CYBA: variants seen among roughly 807,000 people sequenced by gnomAD.
CYBA encodes cytochrome b-245 light chain.
Under a neutral mutation model 20.8 loss-of-function variants are expected in CYBA, and 21 were observed. The observed-to-expected ratio is 1.01, with a 90% CI of 0.72 to 1.46. The LOEUF is 1.46. Ranked by LOEUF, CYBA falls within the 40% of genes most tolerant of loss-of-function variation. The pLI, the probability that CYBA is intolerant of heterozygous loss-of-function variation, is 0.00. For synonymous variants in CYBA, 164 were observed against 127.5 expected (o/e 1.29, Z -1.93); for missense variants, 344 against 287.0 (o/e 1.20, Z -1.43).
intron 5 of CYBA, chr16:88,645,743 A>G (rs904501048): frequency 1.9e-6 from 1 of 531,640 alleles, no homozygotes; most frequent in African/African-American, 1.9e-5. Flanking sequence ...GGTTTAGGTG[A>G]GAAAAGCCTG....
At chr16:88,648,319 A>T (rs1907365832) in intron 1 of CYBA, among the ~76,000 whole-genome samples, 1 of 152,124 alleles carries the variant, frequency 6.6e-6, no homozygotes. Context: ...GGGCTGGCGG[A>T]GGGGGTGCTG....
At chr16:88,648,982 G>A (rs1477129964) in intron 1 of CYBA, among the ~76,000 whole-genome samples, 1 of 143,390 alleles carries the variant, frequency 7.0e-6, no homozygotes, top group East Asian at 2.0e-4. Flanking sequence ...CTGTCACCCA[G>A]GCTGGAGTTC....
intron 5 of CYBA, chr16:88,645,325 G>A (rs887360706): frequency 1.0e-5 from 7 of 702,330 alleles, no homozygotes; most frequent in East Asian, 8.0e-5. Flanking sequence ...ACTTCCATAC[G>A]CGGAAGGCGT....
At chr16:88,645,837 C>T in intron 5 of CYBA, 1 of 562,544 alleles carries the variant, frequency 1.8e-6, no homozygotes, top group Non-Finnish European at 3.2e-6. Context: ...GCCTCCGCAT[C>T]TTTGTCTGTA....
chr16:88,643,509 G>T lies in CYBA; in HGVS notation c.432C>A (p.Ile144=). 6.5e-7 allele frequency: 1 copy of T among 1,534,658 alleles called. No individual in the cohort carries two copies. The highest frequency in any genetic ancestry group is 8.7e-7 in the Non-Finnish European group (1 of 1,146,278). ...TGGGCGGCTGCTTGATGGTGCCTCC[G>T]ATCTGCGGCCGCTCCCGGGGCTTGG... ...IEPKPRERPQ[I]GGTIKQPPSN... The change falls in exon 6 of 6, where the codon ATC becomes ATA. Residue 144 remains isoleucine (I), a synonymous_variant. Coordinates refer to ENST00000261623, the MANE Select transcript of CYBA (RefSeq NM_000101.4). This position sits in a 1 kb window ranked among gnomAD's most constrained non-coding sequence, Gnocchi z 4.3.
chr16:88,646,026 C>T, intron 5 of CYBA, 90 bp downstream of exon 5: 1 of 1,111,246 alleles, frequency 9.0e-7, no homozygotes. Context: ...GCCTACAGAG[C>T]CGGCTTCAAG....
In CYBA at chr16:88,647,111, T is replaced by C. The variant is rs1567609300; in HGVS notation, c.193A>G (p.Met65Val). 2.5e-6 allele frequency: 4 copies of C among 1,610,892 alleles called. No individual in the cohort carries two copies. Among genetic ancestry groups the C allele is most frequent in the African/African-American group, 1.3e-5 (1 of 75,008 alleles). Residue 65 changes from methionine to valine, a missense_variant, in exon 3 of 6, where the codon ATG (methionine) becomes GTG (valine). Transcript: ENST00000261623. ...CAGGAGGAGACTCACCAGCGCTCCATGGTGGAGCCCTTCTTCCTCTTCCCC... is the reference window on the plus strand; with the variant it reads ...CAGGAGGAGACTCACCAGCGCTCCACGGTGGAGCCCTTCTTCCTCTTCCCC... ...PRGKRKKGSTMERWGQKYMTA... is the reference protein window; with the variant it reads ...PRGKRKKGSTVERWGQKYMTA...
chr16:88,643,655 G>C lies in CYBA; in HGVS notation c.370-84C>G, dbSNP rs1907173267. 12 of 1,301,992 alleles carry C rather than the reference G, an allele frequency of 9.2e-6. No individual in the cohort carries two copies. In the South Asian group the frequency reaches 1.5e-4, roughly 17 times the overall value. The allele number at this position is 1,301,992 out of a possible 1,614,324, so 80.7% of individuals were successfully genotyped here. On this transcript the variant is annotated intron_variant, in intron 5 of 5. Coordinates refer to ENST00000261623, the MANE Select transcript of CYBA (RefSeq NM_000101.4). The surrounding 1 kb of genome is among the most constrained non-coding windows in gnomAD (Gnocchi z 4.3). ...CTCCCCGGAGGCCCACCCCGCTAGGGGCCCTGGGACAGGCTCAAGTCTGAA... is the reference window on the plus strand; with the variant it reads ...CTCCCCGGAGGCCCACCCCGCTAGGCGCCCTGGGACAGGCTCAAGTCTGAA...
intron 1 of CYBA, among the ~76,000 whole-genome samples, chr16:88,648,439 T>C (rs1460103184): frequency 6.6e-6 from 1 of 152,190 alleles, no homozygotes; most frequent in Non-Finnish European, 1.5e-5. Flanking sequence ...GAGTCTTTGT[T>C]TGATGCACTG....
chr16:88,648,039 G>A lies in CYBA; in HGVS notation c.128+6C>T. 1 of 1,611,716 alleles carries A rather than the reference G, an allele frequency of 6.2e-7. No homozygotes were observed. The highest frequency in any genetic ancestry group is 2.2e-5 in the East Asian group (1 of 44,804). On this transcript the variant is annotated splice_donor_region_variant and intron_variant, in intron 2 of 5. Coordinates refer to ENST00000261623, the MANE Select transcript of CYBA (RefSeq NM_000101.4). ...CCGCCCACCCCAGCCTCAGGTGGAA[G>A]GATACATGGAGTAGGCACCAAAGTA... is the stretch of plus-strand genomic sequence containing the variant.
chr16:88,646,683 C>T, intron 4 of CYBA, 72 bp downstream of exon 4: 1 of 1,395,422 alleles, frequency 7.2e-7, no homozygotes, highest in Non-Finnish European at 1.0e-6. Context: ...GGCAGCCCGG[C>T]CGGTGGGACA....
At chr16:88,646,913 AC>A in intron 3 of CYBA, 75 bp from the exon 4 acceptor site, 2 of 1,299,274 alleles carry the variant, frequency 1.5e-6, no homozygotes, top group South Asian at 1.2e-5. Flanking sequence ...CCTGCTGACC[AC>A]CCCAGGGCAC....
rs1384416598 is a variant in CYBA, at chr16:88,647,046, G to A, written c.203+55C>T. The A allele has an allele frequency of 1.6e-5, 24 of 1,513,726 alleles. No individual in the cohort carries two copies. The Admixed American group carries it at 2.3e-4, about 15-fold the overall frequency. 93.8% of individuals were successfully genotyped at this position (1,513,726 alleles called of 1,614,324 possible). On this transcript the variant is annotated intron_variant, in intron 3 of 5. Coordinates refer to ENST00000261623, the MANE Select transcript of CYBA (RefSeq NM_000101.4). ...AACCAAGCTCCACCCAACCCTGTGA[G>A]CCCTGCCTGGGCCCCGCAGCCCCCG...
rs1226750611 is a variant in CYBA at position 88,643,865 on chromosome 16, C to G, written c.370-294G>C. Among the ~76,000 whole-genome samples, 1 of 152,226 alleles carries G rather than the reference C, an allele frequency of 6.6e-6. No individual in the cohort carries two copies. Among genetic ancestry groups the G allele is most frequent in the African/African-American group, 2.4e-5 (1 of 41,454 alleles). ...ACTCCCAGATGCAAATTCTAGTACTCAAATTCTCCTCTCAAGGTGCCAAGG... is the reference window on the plus strand; with the variant it reads ...ACTCCCAGATGCAAATTCTAGTACTGAAATTCTCCTCTCAAGGTGCCAAGG... On this transcript the variant is annotated intron_variant, in intron 5 of 5. Coordinates refer to ENST00000261623, the MANE Select transcript of CYBA (RefSeq NM_000101.4). The surrounding 1 kb of genome is among the most constrained non-coding windows in gnomAD (Gnocchi z 4.3).
chr16:88,650,591 G>T (rs745549542), intron 1 of CYBA: 1 of 512,330 alleles, frequency 2.0e-6, no homozygotes, highest in South Asian at 1.6e-5. Context: ...CCGATGCCCA[G>T]GCCGGAGCCC....
rs750353019 is a variant in CYBA at position 88,650,973 on chromosome 16, G to A, written c.41C>T (p.Ala14Val). 3.1e-6 allele frequency: 5 copies of A among 1,595,400 alleles called. No homozygotes were observed. The highest frequency in any genetic ancestry group is 1.3e-5 in the African/African-American group (1 of 74,406). The change falls in exon 1 of 6, where the codon GCG (alanine) becomes GTG (valine). Residue 14 changes from alanine (A) to valine (V), a missense_variant. Physicochemically the swap from Ala to Val is moderately conservative, Grantham distance 64 (BLOSUM62 0). Transcript: ENST00000261623. ...GCACTCACTCAGGCCGGACGCCAGC[G>A]CCTGTTCGTTGGCCCACATGGCCCA... ...IEWAMWANEQALASGLILITG... is the reference protein window; with the variant it reads ...IEWAMWANEQVLASGLILITG...
chr16:88,644,814 G>C (rs1907217070), intron 5 of CYBA: 2 of 296,328 alleles, frequency 6.7e-6, no homozygotes, highest in African/African-American at 4.3e-5. Flanking sequence ...GATGGCGCGA[G>C]ACTCCATCTC....
chr16:88,650,836 G>C (rs1907496866), intron 1 of CYBA, 120 bp downstream of exon 1: 2 of 1,116,480 alleles, frequency 1.8e-6, no homozygotes, highest in Non-Finnish European at 2.6e-6. Context: ...GCCTGACCCC[G>C]GCCCGGCCTG....
At chr16:88,648,283 G>A (rs781763387) in intron 1 of CYBA, among the ~76,000 whole-genome samples, 169 bp from the exon 2 acceptor site, 8 of 152,242 alleles carry the variant, frequency 5.3e-5, no homozygotes, top group African/African-American at 1.2e-4. Flanking sequence ...CCTCTGCACT[G>A]GTGAAGAGCA....
Sources: allele counts gnomAD v4.1 joint callset (sites outside exome capture counted in the v4.1 genomes callset), GRCh38; gene constraint gnomAD v4.1.1; non-coding constraint Gnocchi (gnomAD v3.1); transcripts MANE v1.5; gene names NCBI Gene and HGNC (gene_info 2026-07-23, HGNC 2026-07-21).